FAM186A: variants seen among roughly 807,000 people sequenced by gnomAD.
FAM186A encodes family with sequence similarity 186 member A, also known as protein FAM186A.
A neutral mutation model predicts 216.8 loss-of-function variants in FAM186A; 163 were observed. That is an observed-to-expected ratio of 0.75 (90% CI 0.66 to 0.86). The LOEUF (loss-of-function observed/expected upper bound fraction) is 0.86. FAM186A is among the 40% of genes least tolerant of loss of function. The pLI, the probability that FAM186A is intolerant of heterozygous loss-of-function variation, is 0.00. For missense variants in FAM186A, 2,184 were observed against 2,746.2 expected, an observed-to-expected ratio of 0.80 and a Z score of 4.58; for synonymous variants, 805 against 1,025.3, an observed-to-expected ratio of 0.79 and a Z score of 4.10.
intron 2 of FAM186A, 82 bp from the exon 3 acceptor site, chr12:50,361,008 T>C: frequency 5.8e-6 from 6 of 1,028,798 alleles, no homozygotes; most frequent in African/African-American, 1.6e-5. Flanking sequence ...ATTGGGTAAC[T>C]ACTCAATACA....
intron 5 of FAM186A, among the ~76,000 whole-genome samples, chr12:50,332,716 G>A (rs1228235458): frequency 6.6e-6 from 1 of 152,014 alleles, no homozygotes; most frequent in African/African-American, 2.4e-5. Flanking sequence ...TTTTGACAAA[G>A]AGCTGTAATA....
chr12:50,340,071 T>C (rs1311455136), intron 4 of FAM186A, among the ~76,000 whole-genome samples: 1 of 151,844 alleles, frequency 6.6e-6, no homozygotes, highest in Non-Finnish European at 1.5e-5. Flanking sequence ...CTCCTGACCT[T>C]AAGCAATCCA....
At chr12:50,383,415 T>C (rs1268080718) in intron 1 of FAM186A, among the ~76,000 whole-genome samples, 2 of 151,272 alleles carry the variant, frequency 1.3e-5, no homozygotes, top group Non-Finnish European at 2.9e-5. Context: ...GCCAACATGG[T>C]GAAACCCCAT....
intron 7 of FAM186A, among the ~76,000 whole-genome samples, chr12:50,329,931 CA>C (rs1276661516): frequency 6.6e-6 from 1 of 152,108 alleles, no homozygotes; most frequent in African/African-American, 2.4e-5. Context: ...TAGATTTCAC[CA>C]AAATAAATCA....
chr12:50,334,144 G>A, intron 4 of FAM186A, 41 bp from the exon 5 acceptor site: 1 of 1,435,596 alleles, frequency 7.0e-7, no homozygotes, highest in South Asian at 1.4e-5. Context: ...AATAGTTGCA[G>A]ACCCTACTTC....
chr12:50,352,736 G>A lies in FAM186A; in HGVS notation c.4096C>T (p.Gln1366Ter). 1 of 1,541,514 alleles carries A rather than the reference G, an allele frequency of 6.5e-7. No individual in the cohort carries two copies. The highest frequency in any genetic ancestry group is 1.7e-4 in the Middle Eastern group (1 of 5,946). The part of the protein sequence containing the change: ...AQELGIPLTP[Q>*]HAQALGMPLT... ...GGCATCCCCAAGGCCTGAGCGTGCT[G>A]AGGGGTGAGAGGGATCCCCAGTTCC... Residue 1366 changes from glutamine (Q) to a stop codon, truncating the protein, a stop_gained, in exon 4 of 8, where the codon CAG becomes TAG. Coordinates refer to ENST00000327337, the MANE Select transcript of FAM186A (RefSeq NM_001145475.3). LOFTEE classifies it high-confidence loss of function.
intron 1 of FAM186A, among the ~76,000 whole-genome samples, chr12:50,366,905 T>G (rs1447366621): frequency 6.6e-6 from 1 of 152,010 alleles, no homozygotes; most frequent in Non-Finnish European, 1.5e-5. Flanking sequence ...TTACAGCTAG[T>G]CAGGAGGCTG....
rs562275454 is a variant in FAM186A, at chr12:50,352,627, T to C, written c.4205A>G (p.Gln1402Arg). 21 of 1,515,782 alleles carry C rather than the reference T, an allele frequency of 1.4e-5. No individual in the cohort carries two copies. Among genetic ancestry groups the C allele is most frequent in the African/African-American group, 1.5e-5 (1 of 66,722 alleles). 93.9% of individuals were successfully genotyped at this position (1,515,782 alleles called of 1,614,324 possible). A position where few individuals can be genotyped will look rare whatever the true frequency, so the allele number is the denominator to read the frequency against. Residue 1402 changes from glutamine (Q) to arginine (R), a missense_variant, in exon 4 of 8, where the codon CAG becomes CGG. By Grantham distance (43) the Gln-to-Arg change is conservative. This residue lies in a region of FAM186A where 267 missense variants were observed against 446.2 expected (regional missense o/e 0.60). Coordinates refer to ENST00000327337, the MANE Select transcript of FAM186A (RefSeq NM_001145475.3). ...AQALGMPLTT[Q>R]QAQELGIPLT... ...AGGGATCCCCAGTTCCTGAGCCTGC[T>C]GAGTGGTGAGAGGCATCCCCAAGGC...
intron 3 of FAM186A, among the ~76,000 whole-genome samples, chr12:50,356,631 C>T (rs1381276015): frequency 2.0e-5 from 3 of 152,100 alleles, no homozygotes; most frequent in Admixed American, 2.0e-4. Context: ...ACTTCTGCCT[C>T]CAGAGTTTAG....
At chr12:50,375,039 G>A (rs191938079) in intron 1 of FAM186A, among the ~76,000 whole-genome samples, 9 of 152,080 alleles carry the variant, frequency 5.9e-5, no homozygotes, top group East Asian at 5.8e-4. Flanking sequence ...TTAGCCGGGC[G>A]TGGTGGCATG....
intron 7 of FAM186A, among the ~76,000 whole-genome samples, chr12:50,329,468 C>A (rs1477100364): frequency 6.6e-6 from 1 of 152,062 alleles, no homozygotes; most frequent in African/African-American, 2.4e-5. Flanking sequence ...TAAACTCGTG[C>A]TCATGATATA....
At position 50,396,552 on chromosome 12, in the gene FAM186A, A is replaced by C; in HGVS notation, c.-68T>G. The C allele has an allele frequency of 4.2e-6, 6 of 1,440,414 alleles. No individual in the cohort carries two copies. The highest frequency in any genetic ancestry group is 5.6e-6 in the Non-Finnish European group (6 of 1,073,516). 89.2% of individuals were successfully genotyped at this position (1,440,414 alleles called of 1,614,324 possible). A position where few individuals can be genotyped will look rare whatever the true frequency, so the allele number is the denominator to read the frequency against. On this transcript the variant is annotated 5_prime_UTR_variant, in exon 1 of 8. Coordinates refer to ENST00000327337, the MANE Select transcript of FAM186A (RefSeq NM_001145475.3). Reference sequence around the variant, plus strand: ...AGAATCTACAAAAATGCTAATAAAGATATCCAGTAGGAAGCTAGGAGAGGT... The same window carrying C: ...AGAATCTACAAAAATGCTAATAAAGCTATCCAGTAGGAAGCTAGGAGAGGT...
chr12:50,331,755 G>T lies in FAM186A; in HGVS notation c.6763C>A (p.Pro2255Thr). ...TTTTGAACAAATGTGGTAGAGGCAGGTATCTGCTTTTCTTCGATGATTAAG... is the reference window on the plus strand; with the variant it reads ...TTTTGAACAAATGTGGTAGAGGCAGTTATCTGCTTTTCTTCGATGATTAAG... ...IPLIIEEKQI[P>T]ASTTFVQKPF... Residue 2255 changes from proline (P) to threonine (T), a missense_variant, in exon 6 of 8, where the codon CCT becomes ACT. Physicochemically the swap from Pro to Thr is conservative, Grantham distance 38. Transcript: ENST00000327337. The T allele has an allele frequency of 6.5e-7, 1 of 1,549,968 alleles. No individual in the cohort carries two copies.
At position 50,354,834 on chromosome 12, in the gene FAM186A, C is replaced by G; in HGVS notation, c.1998G>C (p.Gln666His). The change falls in exon 4 of 8, where the codon CAG becomes CAC. Residue 666 changes from glutamine (Q) to histidine (H), a missense_variant. Transcript: ENST00000327337. The part of the protein sequence containing the change: ...VLESPDGKSE[Q>H]SNLEEFQEAI... The stretch of plus-strand genomic sequence containing the variant: ...CTTCCTGAAATTCTTCGAGGTTACT[C>G]TGTTCACTTTTGCCATCTGGACTTT... The G allele has an allele frequency of 6.5e-7, 1 of 1,544,168 alleles. No homozygotes were observed. The highest frequency in any genetic ancestry group is 8.7e-7 in the Non-Finnish European group (1 of 1,145,500).
chr12:50,395,882 C>T (rs1592641825), intron 1 of FAM186A, among the ~76,000 whole-genome samples: 2 of 152,258 alleles, frequency 1.3e-5, no homozygotes, highest in Middle Eastern at 6.8e-3. Flanking sequence ...CTACCTCAGC[C>T]TCCTGAGTAG....
At chr12:50,345,741 G>A (rs546643250) in intron 4 of FAM186A, among the ~76,000 whole-genome samples, 82 of 152,132 alleles carry the variant, frequency 5.4e-4, no homozygotes, top group African/African-American at 2.0e-3. Context: ...TGTTGTTTTG[G>A]TTACTGTAGC....
chr12:50,363,938 G>A (rs1178087774), intron 1 of FAM186A, among the ~76,000 whole-genome samples: 5 of 151,940 alleles, frequency 3.3e-5, no homozygotes, highest in African/African-American at 1.2e-4. Context: ...GAGTATATGG[G>A]GAAGAGAAAG....
intron 1 of FAM186A, among the ~76,000 whole-genome samples, chr12:50,390,887 G>A (rs569662699): frequency 1.8e-4 from 27 of 152,182 alleles, no homozygotes; most frequent in Admixed American, 5.2e-4. Context: ...ACAGGGTCTC[G>A]CCATGTTGCC....
chr12:50,372,850 G>A (rs1200819429), intron 1 of FAM186A, among the ~76,000 whole-genome samples: 7 of 146,786 alleles, frequency 4.8e-5, no homozygotes, highest in Admixed American at 2.8e-4. Flanking sequence ...ACTGTGAGCC[G>A]AGATGGTGCC....
Sources: allele counts gnomAD v4.1 joint callset (sites outside exome capture counted in the v4.1 genomes callset), GRCh38; gene constraint gnomAD v4.1.1; regional missense constraint gnomAD v4.1.1; transcripts MANE v1.5; gene names NCBI Gene and HGNC (gene_info 2026-07-23, HGNC 2026-07-21).